The following CACNB2 variants were observed in gnomAD, a reference collection of about 807,000 sequenced individuals.
CACNB2 encodes the protein voltage-dependent L-type calcium channel subunit beta-2.
CACNB2 carries 42 observed loss-of-function variants against 73.3 expected under a neutral mutation model. That is an observed-to-expected ratio of 0.57 (90% CI 0.45 to 0.74). The LOEUF (loss-of-function observed/expected upper bound fraction) is 0.74, where lower values mean the gene tolerates loss of function less well. CACNB2 is among the 30% of genes least tolerant of loss of function. CACNB2 has a pLI of 0.00. For missense variants in CACNB2, 940 were observed against 853.0 expected (o/e 1.10, Z -1.27); for synonymous variants, 348 against 310.3 (o/e 1.12, Z -1.28).
intron 3 of CACNB2, among the ~76,000 whole-genome samples, chr10:18,431,717 C>A (rs1191527129): frequency 6.6e-6 from 1 of 152,116 alleles, no homozygotes; most frequent in Non-Finnish European, 1.5e-5. Context: ...AATGGATAAG[C>A]ATGGATAAGC....
Position 18,339,475 on chromosome 10 carries a change from C to T in CACNB2, c.214-62449C>T, listed in dbSNP as rs1041575196. 4.6e-5 allele frequency among the ~76,000 whole-genome samples: 7 copies of T among 152,214 alleles called. No individual in the cohort carries two copies. The East Asian group carries it at 9.7e-4, about 21-fold the overall frequency. ...GGCAGAGGTTGCAGTGAGCCGAGAT[C>T]GCGCCACTGCACTACAGCCCGGGCA... On this transcript the variant is annotated intron_variant, in intron 2 of 13. Coordinates refer to ENST00000324631, the MANE Select transcript of CACNB2 (RefSeq NM_201596.3).
intron 2 of CACNB2, among the ~76,000 whole-genome samples, chr10:18,220,268 G>GAGAGAGAA (rs1306118277): frequency 8.0e-6 from 1 of 125,128 alleles, no homozygotes; most frequent in Non-Finnish European, 1.7e-5. Context: ...GAGAGAGAGA[G>GAGAGAGAA]AGAGAGAAAG....
chr10:18,450,467 C>A (rs1326195352), intron 3 of CACNB2, among the ~76,000 whole-genome samples: 1 of 151,966 alleles, frequency 6.6e-6, no homozygotes, highest in African/African-American at 2.4e-5. Context: ...GGAGCTCACA[C>A]GTGGTTGCAG....
At position 18,478,045 on chromosome 10, in the gene CACNB2, C is replaced by T. The variant is rs1450011365; in HGVS notation, c.334-20310C>T. On this transcript the variant is annotated intron_variant, in intron 3 of 13. Coordinates refer to ENST00000324631, the MANE Select transcript of CACNB2 (RefSeq NM_201596.3). ...CTCCTGGGTTCAAGTGATTCTCCTG[C>T]CTCAGCCTCGCGGGTAGCTGGGAAT... is the stretch of plus-strand genomic sequence containing the variant. Among the ~76,000 whole-genome samples, 6 of 152,286 alleles carry T rather than the reference C, an allele frequency of 3.9e-5. No homozygotes were observed. In the East Asian group the frequency reaches 9.7e-4, roughly 25 times the overall value.
chr10:18,310,665 C>T (rs1589008778), intron 2 of CACNB2, among the ~76,000 whole-genome samples: 3 of 149,334 alleles, frequency 2.0e-5, no homozygotes, highest in African/African-American at 7.4e-5. Flanking sequence ...AAAAGAAACC[C>T]ACCCACTGGG....
intron 2 of CACNB2, among the ~76,000 whole-genome samples, chr10:18,297,084 T>C (rs2131809340): frequency 6.6e-6 from 1 of 152,356 alleles, no homozygotes; most frequent in South Asian, 2.1e-4. Flanking sequence ...CCAATCCTAC[T>C]GCTATAACAT....
intron 3 of CACNB2, among the ~76,000 whole-genome samples, chr10:18,486,387 A>G (rs903459347): frequency 8.5e-5 from 13 of 152,224 alleles, no homozygotes; most frequent in African/African-American, 3.1e-4. Flanking sequence ...TTTTAAGTTA[A>G]TTATCTCCTC....
intron 2 of CACNB2, among the ~76,000 whole-genome samples, chr10:18,286,667 T>C (rs1475669784): frequency 6.6e-6 from 1 of 151,880 alleles, no homozygotes; most frequent in Non-Finnish European, 1.5e-5. Context: ...TCTCTATGAA[T>C]AATTCAGTGT....
At chr10:18,470,729 C>A (rs1274442541) in intron 3 of CACNB2, among the ~76,000 whole-genome samples, 1 of 152,080 alleles carries the variant, frequency 6.6e-6, no homozygotes, top group Non-Finnish European at 1.5e-5. Context: ...AGCTTGGTGT[C>A]TTCAGCGTCT....
chr10:18,394,643 G>A (rs1394372802), intron 2 of CACNB2, among the ~76,000 whole-genome samples: 1 of 152,152 alleles, frequency 6.6e-6, no homozygotes, highest in Non-Finnish European at 1.5e-5. Context: ...TGCTCAGGTA[G>A]CTTCTCTATG....
Position 18,246,704 on chromosome 10 carries a change from C to T in CACNB2, c.213+95729C>T, listed in dbSNP as rs546435114. 5.9e-5 allele frequency among the ~76,000 whole-genome samples: 9 copies of T among 152,290 alleles called. No homozygotes were observed. In the South Asian group the frequency reaches 1.2e-3, roughly 21 times the overall value. ...CAAGTGATCCTCCCGCCTCAGCCTC[C>T]TGAGTAGCTGGGAATACAGGCATGC... On this transcript the variant is annotated intron_variant, in intron 2 of 13. Transcript: ENST00000324631.
chr10:18,228,450 G>A (rs11013085), intron 2 of CACNB2, among the ~76,000 whole-genome samples: 7,436 of 61,212 alleles, frequency 0.12, 3 homozygotes, highest in Non-Finnish European at 0.15. Flanking sequence ...AAAAAAAAAA[G>A]AAAAAAAAAA....
intron 2 of CACNB2, among the ~76,000 whole-genome samples, chr10:18,376,152 C>T (rs2042790042): frequency 2.0e-5 from 3 of 152,162 alleles, no homozygotes; most frequent in Non-Finnish European, 2.9e-5. Flanking sequence ...CAGTGGAGTA[C>T]TATTCAGCCA....
chr10:18,515,928 G>A (rs1334688336), intron 7 of CACNB2, among the ~76,000 whole-genome samples: 1 of 152,144 alleles, frequency 6.6e-6, no homozygotes, highest in Non-Finnish European at 1.5e-5. Context: ...AATAATTTGA[G>A]CAGGCAGGGC....
At chr10:18,262,815 C>T (rs1342262391) in intron 2 of CACNB2, among the ~76,000 whole-genome samples, 2 of 152,076 alleles carry the variant, frequency 1.3e-5, no homozygotes, top group African/African-American at 4.8e-5. Context: ...ATAAGGCCTC[C>T]AACAAAGCAA....
chr10:18,184,517 T>G (rs990579215), intron 2 of CACNB2, among the ~76,000 whole-genome samples: 2 of 152,148 alleles, frequency 1.3e-5, no homozygotes, highest in Non-Finnish European at 2.9e-5. Context: ...CTAAAGTCCA[T>G]ACTTTATTCA....
intron 2 of CACNB2, among the ~76,000 whole-genome samples, chr10:18,175,283 A>C (rs568797298): frequency 6.6e-6 from 1 of 152,336 alleles, no homozygotes; most frequent in African/African-American, 2.4e-5. Context: ...GTACTGAGGC[A>C]TCTGACTAAA....
chr10:18,141,227 T>TG, intron 1 of CACNB2: 9 of 285,992 alleles, frequency 3.1e-5, no homozygotes, highest in Admixed American at 1.9e-4. Context: ...TGAGTCCGGG[T>TG]GGGCGGGAGG....
At chr10:18,190,789 G>A (rs2034361142) in intron 2 of CACNB2, among the ~76,000 whole-genome samples, 1 of 152,174 alleles carries the variant, frequency 6.6e-6, no homozygotes, top group Non-Finnish European at 1.5e-5. Flanking sequence ...ACTATTTCAA[G>A]CAGCATGAAG....
Sources: gnomAD v4.1 joint callset for allele counts (sites outside exome capture counted in the v4.1 genomes callset) on GRCh38, gnomAD v4.1.1 for gene constraint, MANE v1.5 for transcripts, NCBI Gene and HGNC (gene_info 2026-07-23, HGNC 2026-07-21) for gene names.